The following RETREG1 variants were observed in gnomAD, a reference collection of about 807,000 sequenced individuals.
The protein encoded by RETREG1 is reticulophagy regulator 1, also known as family with sequence similarity 134 member B.
RETREG1 carries 44 observed loss-of-function variants against 54.8 expected under a neutral mutation model. The observed-to-expected ratio is 0.80, with a 90% CI of 0.63 to 1.03. The LOEUF (loss-of-function observed/expected upper bound fraction) is 1.03, where lower values mean the gene tolerates loss of function less well. Ranked by LOEUF, RETREG1 falls within the 50% of genes least tolerant of loss-of-function variation. The pLI is 0.00. For missense variants in RETREG1, 554 were observed against 605.1 expected, an observed-to-expected ratio of 0.92 and a Z score of 0.89; for synonymous variants, 217 against 238.5, an observed-to-expected ratio of 0.91 and a Z score of 0.83.
intron 3 of RETREG1, among the ~76,000 whole-genome samples, chr5:16,545,575 TAGC>T (rs540633034): frequency 5.9e-5 from 9 of 152,136 alleles, no homozygotes; most frequent in Admixed American, 3.9e-4. Context: ...ATTCACAGTT[TAGC>T]AGCAGCAGCA....
At chr5:16,595,303 T>C (rs973793327) in intron 1 of RETREG1, among the ~76,000 whole-genome samples, 3 of 152,204 alleles carry the variant, frequency 2.0e-5, no homozygotes, top group Non-Finnish European at 4.4e-5. Flanking sequence ...GTATGTTTTG[T>C]TTGTAGGCAC....
At chr5:16,535,950 G>A (rs1461893109) in intron 3 of RETREG1, among the ~76,000 whole-genome samples, 1 of 150,192 alleles carries the variant, frequency 6.7e-6, no homozygotes, top group Non-Finnish European at 1.5e-5. Context: ...TCACAAAGTG[G>A]GAGCTGGGGT....
chr5:16,588,976 TAG>T (rs1309687703), intron 1 of RETREG1, among the ~76,000 whole-genome samples: 1 of 152,164 alleles, frequency 6.6e-6, no homozygotes, highest in East Asian at 1.9e-4. Flanking sequence ...CCTTTATCAA[TAG>T]AGTGAAGCTG....
intron 3 of RETREG1, among the ~76,000 whole-genome samples, chr5:16,555,450 C>A (rs997878900): frequency 6.6e-6 from 1 of 152,154 alleles, no homozygotes; most frequent in East Asian, 1.9e-4. Flanking sequence ...CCACACTTGG[C>A]CTGTTTTTAC....
intron 3 of RETREG1, among the ~76,000 whole-genome samples, chr5:16,510,188 G>A (rs1740125095): frequency 6.6e-6 from 1 of 152,130 alleles, no homozygotes; most frequent in African/African-American, 2.4e-5. Flanking sequence ...TTTGGATAGT[G>A]TTAGTTATTT....
chr5:16,595,328 A>T (rs1742872824), intron 1 of RETREG1, among the ~76,000 whole-genome samples: 2 of 152,304 alleles, frequency 1.3e-5, no homozygotes, highest in South Asian at 4.1e-4. Context: ...TATTATGTTT[A>T]ATAGCTACAG....
intron 3 of RETREG1, among the ~76,000 whole-genome samples, chr5:16,520,735 A>G (rs1740509105): frequency 6.6e-6 from 1 of 152,206 alleles, no homozygotes; most frequent in Non-Finnish European, 1.5e-5. Context: ...ATAATTTTTA[A>G]GTTGCGCTAT....
chr5:16,498,083 A>G (rs922808524), intron 3 of RETREG1, among the ~76,000 whole-genome samples: 1 of 152,244 alleles, frequency 6.6e-6, no homozygotes, highest in African/African-American at 2.4e-5. Context: ...CTTCCTGAGC[A>G]CAAACAACTA....
rs1164455887 is a variant in RETREG1 at position 16,597,428 on chromosome 5, A to C, written c.320+19224T>G. ...TCATCATTAAATCCAAAAGCATCATAAATCTTAACCCCTAACCTTGGTGCC... is the reference window on the plus strand; with the variant it reads ...TCATCATTAAATCCAAAAGCATCATCAATCTTAACCCCTAACCTTGGTGCC... On this transcript the variant is annotated intron_variant, in intron 1 of 8. Coordinates refer to ENST00000306320, the MANE Select transcript of RETREG1 (RefSeq NM_001034850.3). The surrounding 1 kb of genome is among the most constrained non-coding windows in gnomAD (Gnocchi z 4.3). Among the ~76,000 whole-genome samples the C allele has an allele frequency of 6.6e-6, 1 of 152,168 alleles. No homozygotes were observed. The highest frequency in any genetic ancestry group is 6.5e-5 in the Admixed American group (1 of 15,290).
intron 8 of RETREG1, 48 bp from the exon 9 acceptor site, chr5:16,475,282 T>G (rs1263078657): frequency 6.9e-6 from 11 of 1,598,740 alleles, no homozygotes; most frequent in Non-Finnish European, 2.5e-6. Flanking sequence ...ATAACAAATT[T>G]CAAATAAAAG....
intron 3 of RETREG1, among the ~76,000 whole-genome samples, chr5:16,493,634 G>T (rs1302249503): frequency 6.6e-6 from 1 of 152,130 alleles, no homozygotes; most frequent in Admixed American, 6.5e-5. Context: ...CACAATTTCT[G>T]ATGAATTTCA....
intron 3 of RETREG1, among the ~76,000 whole-genome samples, chr5:16,512,522 C>T (rs1740211608): frequency 6.6e-6 from 1 of 152,090 alleles, no homozygotes; most frequent in South Asian, 2.1e-4. Flanking sequence ...ATTGCCACTT[C>T]AAAGCTAAAC....
At position 16,473,360 on chromosome 5, in the gene RETREG1, A is replaced by T. The variant is rs1451552422; in HGVS notation, c.*1381T>A. On this transcript the variant is annotated 3_prime_UTR_variant, in exon 9 of 9. Coordinates refer to ENST00000306320, the MANE Select transcript of RETREG1 (RefSeq NM_001034850.3). ...ATATTTTAATACCTCAGAAAGAAAA[A>T]ATAAATAAGAGTAGCTACATTAAAA... 1.3e-5 allele frequency: 2 copies of T among 152,050 alleles called. No homozygotes were observed. Among genetic ancestry groups the T allele is most frequent in the Non-Finnish European group, 2.9e-5 (2 of 68,018 alleles). 9.4% of individuals were successfully genotyped at this position (152,050 alleles called of 1,614,324 possible).
At chr5:16,478,748 T>G in intron 6 of RETREG1, 102 bp downstream of exon 6, 1 of 1,097,846 alleles carries the variant, frequency 9.1e-7, no homozygotes, top group Non-Finnish European at 1.4e-6. Flanking sequence ...TAATATTTAG[T>G]AAAAAGCTAA....
chr5:16,528,575 T>C (rs1416875364), intron 3 of RETREG1, among the ~76,000 whole-genome samples: 2 of 152,116 alleles, frequency 1.3e-5, no homozygotes, highest in Non-Finnish European at 2.9e-5. Context: ...TCCCAGGTGA[T>C]AGCAGGGGGT....
At chr5:16,566,431 C>G (rs1376970377) in intron 2 of RETREG1, among the ~76,000 whole-genome samples, 2 of 152,022 alleles carry the variant, frequency 1.3e-5, no homozygotes, top group Non-Finnish European at 2.9e-5. Context: ...CTTAATTTTC[C>G]AACCAATGTC....
chr5:16,482,501 A>G (rs1738821680), intron 4 of RETREG1, among the ~76,000 whole-genome samples: 1 of 152,088 alleles, frequency 6.6e-6, no homozygotes, highest in South Asian at 2.1e-4. Context: ...CAAATGCAAT[A>G]CTGCCACTTT....
chr5:16,612,521 T>C (rs1276470363), intron 1 of RETREG1, among the ~76,000 whole-genome samples: 2 of 152,248 alleles, frequency 1.3e-5, no homozygotes, highest in Non-Finnish European at 2.9e-5. Context: ...AGTTAATTTT[T>C]AAATAAATAA....
At position 16,559,440 on chromosome 5, in the gene RETREG1, C is replaced by T. The variant is rs974804459; in HGVS notation, c.458+6323G>A. Among the ~76,000 whole-genome samples, 24 of 152,256 alleles carry T rather than the reference C, an allele frequency of 1.6e-4. No individual in the cohort carries two copies. The South Asian group carries it at 1.7e-3, about 11-fold the overall frequency. On this transcript the variant is annotated intron_variant, in intron 3 of 8. Transcript: ENST00000306320. Reference sequence around the variant, plus strand: ...TGGCCTAGCTGCAAGCTCGGGAAGCCCCATCCACTTCCTGCAGAGAGCACA... The same window carrying T: ...TGGCCTAGCTGCAAGCTCGGGAAGCTCCATCCACTTCCTGCAGAGAGCACA...
Sources: allele counts gnomAD v4.1 joint callset (sites outside exome capture counted in the v4.1 genomes callset), GRCh38; gene constraint gnomAD v4.1.1; non-coding constraint Gnocchi (gnomAD v3.1); transcripts MANE v1.5; gene names NCBI Gene and HGNC (gene_info 2026-07-23, HGNC 2026-07-21).